Variants in VAC14 observed in about 807,000 individuals in gnomAD.
The protein encoded by VAC14 is VAC14 component of PIKFYVE complex, also known as protein VAC14 homolog.
VAC14 carries 47 observed loss-of-function variants against 85.3 expected under a neutral mutation model. That is an observed-to-expected ratio of 0.55 (90% CI 0.44 to 0.70). The LOEUF (loss-of-function observed/expected upper bound fraction) is 0.70, where lower values mean the gene tolerates loss of function less well. Ranked by LOEUF, VAC14 falls within the 30% of genes least tolerant of loss-of-function variation. The probability of loss-of-function intolerance (pLI) is 0.00; values close to 1 mark genes in which losing one functional copy is unlikely to be tolerated. For missense variants in VAC14, 861 were observed against 1,004.3 expected, an observed-to-expected ratio of 0.86 and a Z score of 1.93; for synonymous variants, 447 against 430.5, an observed-to-expected ratio of 1.04 and a Z score of -0.47.
intron 8 of VAC14, 138 bp downstream of exon 8, chr16:70,781,731 T>C (rs768462905): frequency 2.4e-6 from 3 of 1,245,302 alleles, no homozygotes; most frequent in Non-Finnish European, 3.3e-6. Flanking sequence ...TTTGGCTCCA[T>C]CTCTTTTTCC....
intron 1 of VAC14, among the ~76,000 whole-genome samples, chr16:70,798,496 CTGG>C (rs2034639524): frequency 6.6e-6 from 1 of 152,188 alleles, no homozygotes; most frequent in Admixed American, 6.5e-5. Context: ...AATGCTGGTG[CTGG>C]TGAAGCACAG....
intron 12 of VAC14, among the ~76,000 whole-genome samples, chr16:70,753,413 T>A (rs1308101192): frequency 6.6e-6 from 1 of 152,136 alleles, no homozygotes; most frequent in Admixed American, 6.5e-5. Flanking sequence ...GCCTTGGCCA[T>A]CTCCAGAGGA....
At chr16:70,718,348 G>A (rs189700679) in intron 14 of VAC14, among the ~76,000 whole-genome samples, 9 of 152,178 alleles carry the variant, frequency 5.9e-5, no homozygotes, top group South Asian at 2.1e-4. Flanking sequence ...CAAGGCGGGC[G>A]GATCACGGGG....
intron 14 of VAC14, among the ~76,000 whole-genome samples, chr16:70,712,958 C>G (rs2054067910): frequency 6.6e-6 from 1 of 152,138 alleles, no homozygotes; most frequent in Non-Finnish European, 1.5e-5. Context: ...GTGGAGCTTT[C>G]CTCTCTAGAG....
chr16:70,710,316 CAG>C (rs2142995322), intron 14 of VAC14, among the ~76,000 whole-genome samples: 1 of 152,348 alleles, frequency 6.6e-6, no homozygotes, highest in African/African-American at 2.4e-5. Flanking sequence ...ATGCCCAGGG[CAG>C]AGACACCCCT....
chr16:70,764,634 A>C (rs931102861), intron 10 of VAC14, among the ~76,000 whole-genome samples: 3 of 152,246 alleles, frequency 2.0e-5, no homozygotes, highest in Non-Finnish European at 4.4e-5. Flanking sequence ...TAATTGACCC[A>C]ATGTATCTAA....
intron 13 of VAC14, among the ~76,000 whole-genome samples, chr16:70,734,244 T>G (rs1177942536): frequency 6.6e-6 from 1 of 152,044 alleles, no homozygotes; most frequent in African/African-American, 2.4e-5. Context: ...GCTCGAGCAA[T>G]CCTCCCGCCT....
intron 5 of VAC14, 96 bp downstream of exon 5, chr16:70,784,017 G>C: frequency 2.1e-6 from 2 of 968,720 alleles, no homozygotes; most frequent in East Asian, 4.9e-5. Context: ...GGGAGAACAT[G>C]GAGGGTTCCT....
chr16:70,748,781 T>C (rs1201531723), intron 12 of VAC14, among the ~76,000 whole-genome samples: 1 of 152,088 alleles, frequency 6.6e-6, no homozygotes, highest in Non-Finnish European at 1.5e-5. Flanking sequence ...ACCCCCTCTC[T>C]CCTAAAAATA....
In VAC14 at chr16:70,765,947, C is replaced by T. The variant is rs1175396078; in HGVS notation, c.1161-2922G>A. The stretch of plus-strand genomic sequence containing the variant: ...ATGAGTTTGAGACCAGCTTGGGCAA[C>T]ACAGCAAGACCCTGTCTCTGTGAAA... On this transcript the variant is annotated intron_variant, in intron 10 of 18. Transcript: ENST00000261776. Among the ~76,000 whole-genome samples, 3 of 152,222 alleles carry T rather than the reference C, an allele frequency of 2.0e-5. No homozygotes were observed. In the East Asian group the frequency reaches 5.8e-4, roughly 29 times the overall value.
chr16:70,713,770 C>T (rs1738207271), intron 14 of VAC14, among the ~76,000 whole-genome samples: 1 of 150,828 alleles, frequency 6.6e-6, no homozygotes, highest in South Asian at 2.1e-4. Flanking sequence ...TCTTGAACTC[C>T]TGGGCTCAAG....
At chr16:70,712,016 G>A (rs1474467485) in intron 14 of VAC14, among the ~76,000 whole-genome samples, 2 of 152,138 alleles carry the variant, frequency 1.3e-5, no homozygotes, top group Non-Finnish European at 2.9e-5. Flanking sequence ...GGCTGGGAGG[G>A]GGCTCCTTCA....
intron 16 of VAC14, among the ~76,000 whole-genome samples, chr16:70,696,661 C>T (rs908174722): frequency 6.6e-6 from 1 of 152,208 alleles, no homozygotes; most frequent in South Asian, 2.1e-4. Flanking sequence ...CTGTGGCCCC[C>T]GAAGGCCCAC....
intron 13 of VAC14, among the ~76,000 whole-genome samples, 163 bp from the exon 14 acceptor site, chr16:70,731,790 A>T (rs937067201): frequency 1.3e-5 from 2 of 152,200 alleles, no homozygotes; most frequent in African/African-American, 4.8e-5. Flanking sequence ...GGAGCAACAG[A>T]GAAAAAGGCA....
At chr16:70,742,080 T>C (rs528562913) in intron 13 of VAC14, among the ~76,000 whole-genome samples, 3 of 152,168 alleles carry the variant, frequency 2.0e-5, no homozygotes, top group Admixed American at 2.0e-4. Flanking sequence ...GAGGAAGAGA[T>C]AAAACATAGG....
intron 14 of VAC14, among the ~76,000 whole-genome samples, chr16:70,727,812 A>G (rs1395670621): frequency 1.3e-5 from 2 of 152,208 alleles, no homozygotes; most frequent in African/African-American, 4.8e-5. Flanking sequence ...TTTCCATGTC[A>G]GATGCTGTGT....
At chr16:70,794,259 A>G (rs1171407811) in intron 1 of VAC14, among the ~76,000 whole-genome samples, 1 of 152,124 alleles carries the variant, frequency 6.6e-6, no homozygotes, top group African/African-American at 2.4e-5. Flanking sequence ...ACCATCCCCA[A>G]AAGAAACCCT....
At chr16:70,730,620 CAG>C (rs1323717500) in intron 14 of VAC14, among the ~76,000 whole-genome samples, 5 of 126,720 alleles carry the variant, frequency 3.9e-5, no homozygotes, top group Non-Finnish European at 4.7e-5. Flanking sequence ...TTTTTGGAGA[CAG>C]AGTCTTGCTC....
At chr16:70,693,697 G>C (rs2053646484) in intron 17 of VAC14, among the ~76,000 whole-genome samples, 1 of 152,240 alleles carries the variant, frequency 6.6e-6, no homozygotes, top group Admixed American at 6.5e-5. Context: ...AAGGCGCACA[G>C]GGGAGGTGGG....
Sources: allele counts gnomAD v4.1 joint callset (sites outside exome capture counted in the v4.1 genomes callset), GRCh38; gene constraint gnomAD v4.1.1; transcripts MANE v1.5; gene names NCBI Gene and HGNC (gene_info 2026-07-23, HGNC 2026-07-21).